CSDC2: variants seen among roughly 807,000 people sequenced by gnomAD.
CSDC2 encodes the protein cold shock domain-containing protein C2.
A neutral mutation model predicts 15.8 loss-of-function variants in CSDC2; 8 were observed. The ratio of observed to expected loss-of-function variants is 0.51; its 90% CI spans 0.30 to 0.92. The LOEUF is 0.92. CSDC2 is among the 40% of genes least tolerant of loss of function. CSDC2 has a pLI of 0.07. For synonymous variants in CSDC2, 96 were observed against 92.3 expected (o/e 1.04, Z -0.23); for missense variants, 195 against 213.3 (o/e 0.91, Z 0.53).
chr22:41,566,294 A>G (rs1178475763), intron 1 of CSDC2, among the ~76,000 whole-genome samples: 5 of 151,972 alleles, frequency 3.3e-5, no homozygotes, highest in Admixed American at 2.0e-4. Flanking sequence ...AATACAAAAA[A>G]TTAGCTGGGC....
chr22:41,567,628 G>A (rs576755032), intron 1 of CSDC2, among the ~76,000 whole-genome samples: 2 of 152,282 alleles, frequency 1.3e-5, no homozygotes, highest in African/African-American at 2.4e-5. Context: ...GCCCAGAGAG[G>A]GAAAGGCCCT....
At chr22:41,568,901 C>T (rs990235727) in intron 1 of CSDC2, among the ~76,000 whole-genome samples, 2 of 152,278 alleles carry the variant, frequency 1.3e-5, no homozygotes, top group African/African-American at 4.8e-5. Flanking sequence ...CCTGGAGCCG[C>T]ACAGTCACTT....
At position 41,576,284 on chromosome 22, in the gene CSDC2, C is replaced by T. The variant is rs1366346023; in HGVS notation, c.*1389C>T. The T allele has an allele frequency of 6.6e-6, 1 of 152,352 alleles. No individual in the cohort carries two copies. The highest frequency in any genetic ancestry group is 2.4e-5 in the African/African-American group (1 of 41,426). 9.4% of individuals were successfully genotyped at this position (152,352 alleles called of 1,614,324 possible). A position where few individuals can be genotyped will look rare whatever the true frequency, so the allele number is the denominator to read the frequency against. Reference sequence around the variant, plus strand: ...ATCAGCCGGGATGCCTGCATCCCACCCCCGGCCCCAGGGCCCACCACATAA... The same window carrying T: ...ATCAGCCGGGATGCCTGCATCCCACTCCCGGCCCCAGGGCCCACCACATAA... On this transcript the variant is annotated 3_prime_UTR_variant, in exon 4 of 4. Transcript: ENST00000306149.
At chr22:41,572,733 T>C (rs1309561490) in intron 2 of CSDC2, among the ~76,000 whole-genome samples, 9 of 152,138 alleles carry the variant, frequency 5.9e-5, no homozygotes, top group Non-Finnish European at 1.2e-4. Context: ...TCTGGGCAGA[T>C]GGTACAGCAT....
At chr22:41,573,487 C>A (rs1377619180) in intron 2 of CSDC2, among the ~76,000 whole-genome samples, 168 bp from the exon 3 acceptor site, 1 of 152,038 alleles carries the variant, frequency 6.6e-6, no homozygotes, top group African/African-American at 2.4e-5. Flanking sequence ...TGTGAGCCAC[C>A]GTGCCTGGCC....
At chr22:41,570,457 G>A (rs2067139685) in intron 1 of CSDC2, among the ~76,000 whole-genome samples, 1 of 152,138 alleles carries the variant, frequency 6.6e-6, no homozygotes, top group African/African-American at 2.4e-5. Flanking sequence ...CAGGCTTTCT[G>A]AGCTCTGGAC....
Position 41,571,990 on chromosome 22 carries a change from C to T in CSDC2, c.25C>T (p.Pro9Ser). 7.3e-7 allele frequency: 1 copy of T among 1,363,838 alleles called. No individual in the cohort carries two copies. The highest frequency in any genetic ancestry group is 9.5e-7 in the Non-Finnish European group (1 of 1,056,806). The allele number at this position is 1,363,838 out of a possible 1,614,324, so 84.5% of individuals were successfully genotyped here. A position where few individuals can be genotyped will look rare whatever the true frequency, so the allele number is the denominator to read the frequency against. Residue 9 changes from proline (P) to serine (S), a missense_variant, in exon 2 of 4, where the codon CCA (proline) becomes TCA (serine). Physicochemically the swap from Pro to Ser is moderately conservative, Grantham distance 74 (BLOSUM62 -1). Coordinates refer to ENST00000306149, the MANE Select transcript of CSDC2 (RefSeq NM_014460.4). ...CATGACTTCAGAGTCGACGTCACCC[C>T]CAGTTGTGCCCCCGCTCCACTCCCC... is the stretch of plus-strand genomic sequence containing the variant. MTSESTSP[P>S]VVPPLHSPKS... is the part of the protein sequence containing the mutation.
chr22:41,574,237 G>A (rs1024938563), intron 3 of CSDC2, among the ~76,000 whole-genome samples: 6 of 152,166 alleles, frequency 3.9e-5, no homozygotes, highest in African/African-American at 1.4e-4. Context: ...CCCAGAAAGG[G>A]AGGTACAGTT....
At chr22:41,570,345 T>G (rs1335933032) in intron 1 of CSDC2, among the ~76,000 whole-genome samples, 1 of 152,160 alleles carries the variant, frequency 6.6e-6, no homozygotes, top group African/African-American at 2.4e-5. Context: ...GCTCAGCATC[T>G]TGGTTCAGAA....
chr22:41,568,783 T>C (rs755031695), intron 1 of CSDC2, among the ~76,000 whole-genome samples: 30 of 152,274 alleles, frequency 2.0e-4, no homozygotes, highest in Non-Finnish European at 4.0e-4. Flanking sequence ...TTCTGCTCTC[T>C]GGTCTCTCTG....
rs779248747 is a variant in CSDC2, at chr22:41,572,078, G to A, written c.113G>A (p.Gly38Asp). 8.1e-6 allele frequency: 11 copies of A among 1,363,204 alleles called. No individual in the cohort carries two copies. The highest frequency in any genetic ancestry group is 5.7e-5 in the East Asian group (2 of 34,784). 84.4% of individuals were successfully genotyped at this position (1,363,204 alleles called of 1,614,324 possible). A position where few individuals can be genotyped will look rare whatever the true frequency, so the allele number is the denominator to read the frequency against. Residue 38 changes from glycine to aspartate, a missense_variant, in exon 2 of 4, where the codon GGT becomes GAT. Gly to Asp is a moderately conservative substitution (Grantham distance 94, BLOSUM62 -1). Transcript: ENST00000306149. ...GAGGGCAGCAGGGTCTGGGAGCGGGGTGGTGTCCCACCTCGGGACCTACCC... is the reference window on the plus strand; with the variant it reads ...GAGGGCAGCAGGGTCTGGGAGCGGGATGGTGTCCCACCTCGGGACCTACCC... ...HREGSRVWER[G>D]GVPPRDLPSP...
At chr22:41,562,375 T>A (rs150975224) in intron 1 of CSDC2, among the ~76,000 whole-genome samples, 2,206 of 147,236 alleles carry the variant, frequency 0.015, 27 homozygotes, top group South Asian at 0.032. Context: ...GTTTTCTGTG[T>A]CTGCCCATCT....
Position 41,572,130 on chromosome 22 carries a change from G to A in CSDC2, c.165G>A (p.Arg55=), listed in dbSNP as rs2067148282. Reference sequence around the variant, plus strand: ...GCCCTCTGCCCACCAAGCGGACCAGGACCTATTCAGCGTGAGTACCTGCCC... The same window carrying A: ...GCCCTCTGCCCACCAAGCGGACCAGAACCTATTCAGCGTGAGTACCTGCCC... The part of the protein sequence containing the change: ...LPSPLPTKRT[R]TYSATARASA... The change falls in exon 2 of 4, where the codon AGG becomes AGA. Residue 55 remains arginine, a synonymous_variant. Transcript: ENST00000306149. 1.5e-6 allele frequency: 2 copies of A among 1,327,904 alleles called. No homozygotes were observed. Among genetic ancestry groups the A allele is most frequent in the South Asian group, 2.7e-5 (1 of 37,612 alleles). 82.3% of individuals were successfully genotyped at this position (1,327,904 alleles called of 1,614,324 possible).
chr22:41,567,177 A>G (rs1442345542), intron 1 of CSDC2, among the ~76,000 whole-genome samples: 2 of 152,074 alleles, frequency 1.3e-5, no homozygotes, highest in Non-Finnish European at 2.9e-5. Flanking sequence ...TTATTTTCCC[A>G]TTTAGTTTCT....
chr22:41,574,208 C>T (rs1239076581), intron 3 of CSDC2, among the ~76,000 whole-genome samples: 1 of 152,238 alleles, frequency 6.6e-6, no homozygotes, highest in Admixed American at 6.5e-5. Context: ...TGCCCTTTCA[C>T]ATCTCGGTCC....
At chr22:41,561,569 G>A (rs1468321477) in intron 1 of CSDC2, among the ~76,000 whole-genome samples, 2 of 152,240 alleles carry the variant, frequency 1.3e-5, no homozygotes, top group African/African-American at 2.4e-5. Flanking sequence ...AAAGCAGAGT[G>A]CAGCAGGGAC....
rs2145603683 is a variant in CSDC2 at position 41,575,572 on chromosome 22, C to T, written c.*677C>T. 6.5e-6 allele frequency: 1 copy of T among 153,396 alleles called. No homozygotes were observed. Among genetic ancestry groups the T allele is most frequent in the South Asian group, 2.1e-4 (1 of 4,836 alleles). 9.5% of individuals were successfully genotyped at this position (153,396 alleles called of 1,614,324 possible). On this transcript the variant is annotated 3_prime_UTR_variant, in exon 4 of 4. Coordinates refer to ENST00000306149, the MANE Select transcript of CSDC2 (RefSeq NM_014460.4). The stretch of plus-strand genomic sequence containing the variant: ...GCTCCCATTTCGCCGGCCAGTCCCT[C>T]CTCCTCAGCCTGGCAGTGGCGCTGG...
chr22:41,562,526 G>A (rs2067092566), intron 1 of CSDC2, among the ~76,000 whole-genome samples: 2 of 152,066 alleles, frequency 1.3e-5, no homozygotes, highest in South Asian at 4.1e-4. Flanking sequence ...GCTAGGCAAT[G>A]TTCACGGATG....
At chr22:41,570,884 G>A in intron 1 of CSDC2, among the ~76,000 whole-genome samples, 1 of 151,472 alleles carries the variant, frequency 6.6e-6, no homozygotes, top group Non-Finnish European at 1.5e-5. Context: ...CCAGCTACTT[G>A]GGAGGCTGAG....
Sources: gnomAD v4.1 joint callset for allele counts (sites outside exome capture counted in the v4.1 genomes callset) on GRCh38, gnomAD v4.1.1 for gene constraint, MANE v1.5 for transcripts, NCBI Gene and HGNC (gene_info 2026-07-23, HGNC 2026-07-21) for gene names.